Variants in DOCK3 observed in about 807,000 individuals in gnomAD.
DOCK3 encodes dedicator of cytokinesis protein 3.
DOCK3 carries 60 observed loss-of-function variants against 265.6 expected under a neutral mutation model. That is an observed-to-expected ratio of 0.23 (90% CI 0.18 to 0.28). The LOEUF (loss-of-function observed/expected upper bound fraction) is 0.28. DOCK3 is among the 10% of genes least tolerant of loss of function. The pLI is 1.00. For synonymous variants in DOCK3, 881 were observed against 938.0 expected (o/e 0.94, Z 1.11); for missense variants, 1,981 against 2,594.3 (o/e 0.76, Z 5.14).
intron 2 of DOCK3, among the ~76,000 whole-genome samples, chr3:50,828,631 C>G (rs1327059779): frequency 2.0e-5 from 3 of 152,066 alleles, no homozygotes; most frequent in Non-Finnish European, 4.4e-5. Context: ...TCTCAAACTC[C>G]TGACCTCAGG....
chr3:50,737,280 C>G (rs910970930), intron 1 of DOCK3, among the ~76,000 whole-genome samples: 1 of 152,108 alleles, frequency 6.6e-6, no homozygotes, highest in Non-Finnish European at 1.5e-5. Context: ...CTTGCCCATG[C>G]CTATGAGCAG....
intron 51 of DOCK3, chr3:51,379,561 C>G: frequency 8.1e-6 from 8 of 985,472 alleles, no homozygotes; most frequent in Non-Finnish European, 9.6e-6. Flanking sequence ...CTCCCCGAAG[C>G]CTGCTGCATG....
At position 51,237,535 on chromosome 3, in the gene DOCK3, C is replaced by G. The variant is rs767019751; in HGVS notation, c.2047C>G (p.Arg683Gly). The change falls in exon 21 of 53, where the codon CGA (arginine) becomes GGA (glycine). Residue 683 changes from arginine (R) to glycine (G), a missense_variant. Arg to Gly is a moderately radical substitution (Grantham distance 125, BLOSUM62 -2). Around this residue, in one of 4 missense-constraint regions of DOCK3, gnomAD observed 1,357 missense variants for 1,866.8 expected, o/e 0.73. Coordinates refer to ENST00000266037, the MANE Select transcript of DOCK3 (RefSeq NM_004947.5). ...CCGAGACATCAAGTATTTTCACTTT[C>G]GACCTGTGATGGACACGTATATCCA... ...LLRDIKYFHFRPVMDTYIQKH... is the reference protein window; with the variant it reads ...LLRDIKYFHFGPVMDTYIQKH... 1 of 1,613,044 alleles carries G rather than the reference C, an allele frequency of 6.2e-7. No homozygotes were observed. Among genetic ancestry groups the G allele is most frequent in the Non-Finnish European group, 8.5e-7 (1 of 1,179,688 alleles).
chr3:51,077,523 A>G (rs964541364), intron 7 of DOCK3, among the ~76,000 whole-genome samples: 3 of 152,200 alleles, frequency 2.0e-5, no homozygotes, highest in African/African-American at 7.2e-5. Flanking sequence ...GATTCTGAAT[A>G]TATTTTGAAG....
chr3:50,782,968 T>G (rs1482654783), intron 2 of DOCK3, among the ~76,000 whole-genome samples: 8 of 147,074 alleles, frequency 5.4e-5, no homozygotes, highest in African/African-American at 2.0e-4. Context: ...TGCCATGATT[T>G]TTTTTTTTTT....
chr3:50,801,099 TC>T, intron 2 of DOCK3, among the ~76,000 whole-genome samples: 1 of 152,310 alleles, frequency 6.6e-6, no homozygotes, highest in East Asian at 1.9e-4. Context: ...TATAAAATTT[TC>T]TGTTTTTTTT....
chr3:51,145,636 G>T (rs1214945562), intron 9 of DOCK3, among the ~76,000 whole-genome samples: 1 of 152,034 alleles, frequency 6.6e-6, no homozygotes, highest in Non-Finnish European at 1.5e-5. Context: ...GCTACCATTA[G>T]TGTTAGTGTA....
intron 32 of DOCK3, among the ~76,000 whole-genome samples, chr3:51,326,753 C>T (rs993372916): frequency 1.3e-5 from 2 of 151,924 alleles, no homozygotes; most frequent in African/African-American, 2.4e-5. Flanking sequence ...TCCCAAGTAG[C>T]TGGGATTACA....
intron 12 of DOCK3, among the ~76,000 whole-genome samples, chr3:51,202,780 G>T (rs549653829): frequency 2.0e-5 from 3 of 151,692 alleles, no homozygotes; most frequent in African/African-American, 7.3e-5. Context: ...TAAAATACTG[G>T]CAAACCGAAT....
rs187949612 is a variant in DOCK3 at position 50,985,085 on chromosome 3, C to T, written c.315+51008C>T. Among the ~76,000 whole-genome samples the T allele has an allele frequency of 3.3e-5, 5 of 152,290 alleles. No homozygotes were observed. The East Asian group carries it at 9.6e-4, about 29-fold the overall frequency. Reference sequence around the variant, plus strand: ...CACACATATGTATAAGTCTTAAATACATAAAAATAGAACCACATTATATGT... The same window carrying T: ...CACACATATGTATAAGTCTTAAATATATAAAAATAGAACCACATTATATGT... On this transcript the variant is annotated intron_variant, in intron 5 of 52. Coordinates refer to ENST00000266037, the MANE Select transcript of DOCK3 (RefSeq NM_004947.5).
intron 1 of DOCK3, among the ~76,000 whole-genome samples, chr3:50,763,707 T>C (rs1344625895): frequency 6.6e-6 from 1 of 152,230 alleles, no homozygotes; most frequent in Non-Finnish European, 1.5e-5. Flanking sequence ...TTTTTTATTT[T>C]TTTAACGTTG....
At chr3:51,106,496 A>ACACCTGCCTACATGAGTGTCCTTGCCC (rs2083285816) in intron 9 of DOCK3, among the ~76,000 whole-genome samples, 1 of 152,090 alleles carries the variant, frequency 6.6e-6, no homozygotes, top group South Asian at 2.1e-4. Context: ...CTGCCATGCC[A>ACACCTGCCTACATGAGTGTCCTTGCCC]CACCTGCCTA....
chr3:51,132,403 T>C (rs1479055615), intron 9 of DOCK3, among the ~76,000 whole-genome samples: 1 of 152,216 alleles, frequency 6.6e-6, no homozygotes, highest in African/African-American at 2.4e-5. Context: ...GCTGGGACTT[T>C]AGCCTAGTTA....
At chr3:50,853,140 C>T (rs1237008904) in intron 3 of DOCK3, among the ~76,000 whole-genome samples, 2 of 152,116 alleles carry the variant, frequency 1.3e-5, no homozygotes, top group African/African-American at 4.8e-5. Flanking sequence ...TTCCTTTTAA[C>T]TGTATTTTAG....
intron 9 of DOCK3, among the ~76,000 whole-genome samples, chr3:51,130,447 A>G (rs2084475398): frequency 6.6e-6 from 1 of 152,258 alleles, no homozygotes; most frequent in South Asian, 2.1e-4. Context: ...GTGGCTGCAT[A>G]CCAGGTACCA....
intron 4 of DOCK3, among the ~76,000 whole-genome samples, chr3:50,902,205 A>G (rs1297814061): frequency 6.6e-6 from 1 of 151,982 alleles, no homozygotes; most frequent in Non-Finnish European, 1.5e-5. Flanking sequence ...CCCATCTGTC[A>G]GTTTTTGCTT....
intron 2 of DOCK3, among the ~76,000 whole-genome samples, chr3:50,822,057 G>A (rs1002877823): frequency 2.0e-5 from 3 of 152,106 alleles, no homozygotes; most frequent in Non-Finnish European, 4.4e-5. Flanking sequence ...ACAGTAGTTT[G>A]ATAGGAATAG....
intron 5 of DOCK3, among the ~76,000 whole-genome samples, chr3:51,014,048 C>T (rs1042365782): frequency 5.3e-5 from 8 of 152,096 alleles, no homozygotes; most frequent in South Asian, 4.1e-4. Flanking sequence ...GGCAGTGTCC[C>T]GATTTTCCCG....
At chr3:51,094,323 A>G (rs943214412) in intron 9 of DOCK3, among the ~76,000 whole-genome samples, 1 of 152,140 alleles carries the variant, frequency 6.6e-6, no homozygotes, top group African/African-American at 2.4e-5. Flanking sequence ...TTGGTAGGCT[A>G]CTAATTACTG....
Sources: gnomAD v4.1 joint callset for allele counts (sites outside exome capture counted in the v4.1 genomes callset) on GRCh38, gnomAD v4.1.1 for gene constraint, gnomAD v4.1.1 regional missense constraint, MANE v1.5 for transcripts, NCBI Gene and HGNC (gene_info 2026-07-23, HGNC 2026-07-21) for gene names.